The following C2CD5 variants were observed in gnomAD, a reference collection of about 807,000 sequenced individuals.
C2CD5 encodes C2 domain-containing protein 5.
In C2CD5, 109 loss-of-function variants were observed where a neutral mutation model predicts 130.3. The observed-to-expected ratio is 0.84, with a 90% CI of 0.72 to 0.98. C2CD5 has a LOEUF of 0.98. Among genes scored for constraint, C2CD5 ranks in the 50% least tolerant of loss-of-function variants. The pLI is 0.00. For missense variants in C2CD5, 996 were observed against 1,261.8 expected (o/e 0.79, Z 3.19); for synonymous variants, 454 against 429.2 (o/e 1.06, Z -0.71).
chr12:22,469,796 C>T lies in C2CD5; in HGVS notation c.2447-1G>A. 1 of 1,568,570 alleles carries T rather than the reference C, an allele frequency of 6.4e-7. No individual in the cohort carries two copies. Among genetic ancestry groups the T allele is most frequent in the Non-Finnish European group, 8.7e-7 (1 of 1,153,080 alleles). The stretch of plus-strand genomic sequence containing the variant: ...AAAAGTTCTTCATTATCTGTTGAGG[C>T]TAGAAAGGCAAGAAAATATCAGTTA... On this transcript the variant is annotated splice_acceptor_variant, in intron 21 of 26. Coordinates refer to ENST00000446597, the MANE Select transcript of C2CD5 (RefSeq NM_001286176.2). LOFTEE classifies it high-confidence loss of function.
At chr12:22,492,144 T>C (rs1312765282) in intron 11 of C2CD5, among the ~76,000 whole-genome samples, 1 of 152,114 alleles carries the variant, frequency 6.6e-6, no homozygotes, top group Non-Finnish European at 1.5e-5. Flanking sequence ...TCTTTTTCCC[T>C]AACAATAAGG....
At chr12:22,478,570 G>A in intron 14 of C2CD5, 93 bp from the exon 15 acceptor site, 1 of 1,089,078 alleles carries the variant, frequency 9.2e-7, no homozygotes, top group Non-Finnish European at 1.3e-6. Flanking sequence ...CAACAGCTGG[G>A]TGCAGTGGCT....
chr12:22,527,225 C>G (rs966016384), intron 4 of C2CD5, among the ~76,000 whole-genome samples: 1 of 151,170 alleles, frequency 6.6e-6, no homozygotes, highest in African/African-American at 2.4e-5. Context: ...CAAGCATTAT[C>G]TCAAATTATG....
At position 22,470,126 on chromosome 12, in the gene C2CD5, G is replaced by A. The variant is rs575515411; in HGVS notation, c.2447-331C>T. On this transcript the variant is annotated intron_variant, in intron 21 of 26. Transcript: ENST00000446597. ...TACTAGCTTTTGTGATACTTAAACC[G>A]GTTACATGTCTTCTTTGATAAATAT... Among the ~76,000 whole-genome samples, 9 of 152,040 alleles carry A rather than the reference G, an allele frequency of 5.9e-5. No homozygotes were observed. The East Asian group carries it at 1.4e-3, about 23-fold the overall frequency.
chr12:22,454,717 C>T (rs1350961395), intron 25 of C2CD5, among the ~76,000 whole-genome samples: 1 of 151,954 alleles, frequency 6.6e-6, no homozygotes, highest in Non-Finnish European at 1.5e-5. Flanking sequence ...CTTTATATTA[C>T]TTACTCTCCC....
At chr12:22,518,934 T>C (rs1380819491) in intron 7 of C2CD5, 5 of 463,184 alleles carry the variant, frequency 1.1e-5, no homozygotes, top group Middle Eastern at 5.6e-4. Context: ...TTCACTTCCA[T>C]ATAGTTAGAG....
chr12:22,523,570 A>G lies in C2CD5; in HGVS notation c.656T>C (p.Val219Ala), dbSNP rs1950455738. ...ATCGAAACACTGTAAGTACCCCACAACTGCATTTCCTCTCATTTCAAGTAC... is the reference window on the plus strand; with the variant it reads ...ATCGAAACACTGTAAGTACCCCACAGCTGCATTTCCTCTCATTTCAAGTAC... The part of the protein sequence containing the change: ...LKVLEMRGNA[V>A]VGYLQCFDLE... Residue 219 changes from valine to alanine, a missense_variant, in exon 7 of 27, where the codon GTT becomes GCT. Physicochemically the swap from Val to Ala is moderately conservative, Grantham distance 64. Around this residue, in one of 9 missense-constraint regions of C2CD5, gnomAD observed 26 missense variants for 56.6 expected, o/e 0.46. Coordinates refer to ENST00000446597, the MANE Select transcript of C2CD5 (RefSeq NM_001286176.2). 1 of 1,613,798 alleles carries G rather than the reference A, an allele frequency of 6.2e-7. No individual in the cohort carries two copies. Among genetic ancestry groups the G allele is most frequent in the Non-Finnish European group, 8.5e-7 (1 of 1,179,960 alleles).
At position 22,511,259 on chromosome 12, in the gene C2CD5, C is replaced by T. The variant is rs559640933; in HGVS notation, c.1038+2035G>A. Among the ~76,000 whole-genome samples the T allele has an allele frequency of 1.0e-4, 15 of 149,774 alleles. No homozygotes were observed. In the South Asian group the frequency reaches 1.5e-3, roughly 15 times the overall value. On this transcript the variant is annotated intron_variant, in intron 9 of 26. Coordinates refer to ENST00000446597, the MANE Select transcript of C2CD5 (RefSeq NM_001286176.2). Reference sequence around the variant, plus strand: ...GAATATTAAAGAAAGGAATATAAAACATCATATAAGTAGATCATGTCAGTG... The same window carrying T: ...GAATATTAAAGAAAGGAATATAAAATATCATATAAGTAGATCATGTCAGTG...
rs1368721508 is a variant in C2CD5, at chr12:22,472,049, C to CT, written c.2185dup (p.Arg729LysfsTer12). On this transcript the variant is annotated frameshift_variant, in exon 19 of 27. Coordinates refer to ENST00000446597, the MANE Select transcript of C2CD5 (RefSeq NM_001286176.2). LOFTEE classifies it high-confidence loss of function. The stretch of plus-strand genomic sequence containing the variant: ...GTTGAGGCTGCTTAATCTGATTACT[C>CT]TTACTGAAGTGAACATCTAAATGTG... 1.1e-5 allele frequency: 17 copies of CT among 1,578,716 alleles called. No individual in the cohort carries two copies. Among genetic ancestry groups the CT allele is most frequent in the Non-Finnish European group, 1.5e-5 (17 of 1,153,688 alleles).
chr12:22,517,925 A>T (rs904871758), intron 8 of C2CD5, 61 bp downstream of exon 8: 1 of 1,394,298 alleles, frequency 7.2e-7, no homozygotes, highest in Non-Finnish European at 9.8e-7. Context: ...TGGAAAGCTA[A>T]TAAGAAATAG....
chr12:22,536,618 T>C (rs1951836545), intron 2 of C2CD5, among the ~76,000 whole-genome samples: 1 of 152,298 alleles, frequency 6.6e-6, no homozygotes, highest in South Asian at 2.1e-4. Flanking sequence ...ATATAAAGTA[T>C]GATTATATTT....
intron 21 of C2CD5, 130 bp from the exon 22 acceptor site, chr12:22,469,925 T>C: frequency 1.9e-6 from 1 of 537,820 alleles, no homozygotes; most frequent in Middle Eastern, 4.9e-4. Context: ...TTCTGGTCAT[T>C]TTCTCCTTGA....
intron 13 of C2CD5, among the ~76,000 whole-genome samples, chr12:22,483,630 A>T (rs1945044691): frequency 6.6e-6 from 1 of 152,196 alleles, no homozygotes; most frequent in Non-Finnish European, 1.5e-5. Flanking sequence ...GGCAAAAGGA[A>T]AACAATCCCA....
At chr12:22,536,633 C>T (rs1951837824) in intron 2 of C2CD5, among the ~76,000 whole-genome samples, 1 of 152,014 alleles carries the variant, frequency 6.6e-6, no homozygotes, top group Non-Finnish European at 1.5e-5. Flanking sequence ...ATATTTGTTT[C>T]TAAAAATGTG....
chr12:22,508,868 A>C (rs1230266731), intron 9 of C2CD5, among the ~76,000 whole-genome samples: 1 of 149,580 alleles, frequency 6.7e-6, no homozygotes, highest in Non-Finnish European at 1.5e-5. Flanking sequence ...TTTATACTTA[A>C]ATCTTTTTTT....
intron 7 of C2CD5, among the ~76,000 whole-genome samples, chr12:22,522,885 A>C (rs1950393725): frequency 6.6e-6 from 1 of 152,148 alleles, no homozygotes; most frequent in African/African-American, 2.4e-5. Flanking sequence ...ATCTGGAATA[A>C]GTTTAATTTT....
chr12:22,523,392 C>A (rs2137028092), intron 7 of C2CD5, 34 bp downstream of exon 7: 1 of 1,541,702 alleles, frequency 6.5e-7, no homozygotes, highest in South Asian at 1.1e-5. Context: ...AGATAAAAAT[C>A]TTAGCAAGAA....
chr12:22,513,410 A>AT, intron 8 of C2CD5, 31 bp from the exon 9 acceptor site: 1 of 1,405,010 alleles, frequency 7.1e-7, no homozygotes, highest in Non-Finnish European at 1.0e-6. Context: ...AATAACAACC[A>AT]AAAAAGCAAC....
rs1464818747 is a variant in C2CD5 at position 22,457,084 on chromosome 12, T to A, written c.2764A>T (p.Thr922Ser). The A allele has an allele frequency of 6.2e-7, 1 of 1,612,994 alleles. No individual in the cohort carries two copies. The highest frequency in any genetic ancestry group is 1.3e-5 in the African/African-American group (1 of 74,878). The change falls in exon 25 of 27, where the codon ACA becomes TCA. Residue 922 changes from threonine (T) to serine (S), a missense_variant. Thr to Ser is a moderately conservative substitution (Grantham distance 58). Transcript: ENST00000446597. ...NRSAPPCANS[T>S]VGVVKMTPLS... is the part of the protein sequence containing the mutation. Reference sequence around the variant, plus strand: ...GGTGTCATCTTAACAACCCCAACTGTGGAATTTGCACAAGGTGGAGCAGAA... The same window carrying A: ...GGTGTCATCTTAACAACCCCAACTGAGGAATTTGCACAAGGTGGAGCAGAA...
Sources: allele counts gnomAD v4.1 joint callset (sites outside exome capture counted in the v4.1 genomes callset), GRCh38; gene constraint gnomAD v4.1.1; regional missense constraint gnomAD v4.1.1; transcripts MANE v1.5; gene names NCBI Gene and HGNC (gene_info 2026-07-23, HGNC 2026-07-21).